The following TBX5 variants were observed in gnomAD, a reference collection of about 807,000 sequenced individuals.
TBX5 encodes T-box transcription factor TBX5.
Under a neutral mutation model 51.1 loss-of-function variants are expected in TBX5, and 8 were observed. The observed-to-expected ratio is 0.16, with a 90% confidence interval of 0.09 to 0.28. TBX5 has a LOEUF of 0.28. Among genes scored for constraint, TBX5 ranks in the 10% least tolerant of loss-of-function variants. The pLI is 1.00. For synonymous variants in TBX5, 302 were observed against 266.4 expected (o/e 1.13, Z -1.30); for missense variants, 589 against 671.7 (o/e 0.88, Z 1.36).
At chr12:114,385,227 T>C (rs1870743937) in intron 7 of TBX5, among the ~76,000 whole-genome samples, 1 of 152,064 alleles carries the variant, frequency 6.6e-6, no homozygotes, top group South Asian at 2.1e-4. Flanking sequence ...CCTGGGAGAA[T>C]GGAGAATGCC....
At chr12:114,365,555 G>A (rs1217967645) in intron 8 of TBX5, among the ~76,000 whole-genome samples, 6 of 152,158 alleles carry the variant, frequency 3.9e-5, no homozygotes. Context: ...AATTTTGGGT[G>A]TGGTGGCTCA....
In TBX5 at chr12:114,399,500, C is replaced by A; in HGVS notation, c.362+13G>T. ...TTCTCTCTCCCCGCTCCACCTGCCA[C>A]CCCAGTGCCTACCATTTATTATCTG... is the stretch of plus-strand genomic sequence containing the variant. On this transcript the variant is annotated intron_variant, in intron 4 of 8. Transcript: ENST00000405440. 1 of 1,614,006 alleles carries A rather than the reference C, an allele frequency of 6.2e-7. No homozygotes were observed. The highest frequency in any genetic ancestry group is 8.5e-7 in the Non-Finnish European group (1 of 1,179,974).
intron 6 of TBX5, among the ~76,000 whole-genome samples, chr12:114,391,523 T>TTATCTC (rs1871142705): frequency 1.3e-5 from 2 of 152,314 alleles, no homozygotes; most frequent in South Asian, 4.2e-4. Flanking sequence ...TTGCCGGGAA[T>TTATCTC]TATCTCATTG....
intron 7 of TBX5, among the ~76,000 whole-genome samples, chr12:114,371,245 A>G (rs1869884864): frequency 6.6e-6 from 1 of 152,096 alleles, no homozygotes. Context: ...CATCCCATGG[A>G]CAAGCTCTGA....
At chr12:114,365,780 T>G (rs1025360574) in intron 8 of TBX5, among the ~76,000 whole-genome samples, 1 of 142,006 alleles carries the variant, frequency 7.0e-6, no homozygotes, top group South Asian at 2.2e-4. Flanking sequence ...CAGTGAGCCA[T>G]GACTACACCA....
intron 6 of TBX5, among the ~76,000 whole-genome samples, chr12:114,386,238 T>C (rs529794529): frequency 2.6e-5 from 4 of 152,192 alleles, no homozygotes; most frequent in African/African-American, 9.7e-5. Flanking sequence ...TGTTGCAACA[T>C]ACAAGGCATA....
At chr12:114,358,238 C>A (rs895575724) in intron 8 of TBX5, among the ~76,000 whole-genome samples, 1 of 152,158 alleles carries the variant, frequency 6.6e-6, no homozygotes, top group Non-Finnish European at 1.5e-5. Flanking sequence ...AGGTATTGTG[C>A]CAGGTGCTGG....
At chr12:114,401,384 G>T (rs1156626039) in intron 3 of TBX5, among the ~76,000 whole-genome samples, 2 of 152,222 alleles carry the variant, frequency 1.3e-5, no homozygotes, top group African/African-American at 2.4e-5. Context: ...GTCAGGGAGG[G>T]TGGGAATGAG....
At chr12:114,361,317 T>C (rs1869226761) in intron 8 of TBX5, among the ~76,000 whole-genome samples, 1 of 152,208 alleles carries the variant, frequency 6.6e-6, no homozygotes, top group Non-Finnish European at 1.5e-5. Flanking sequence ...CAAAGCCCTT[T>C]TCCATATCGA....
chr12:114,375,513 A>G (rs974970491), intron 7 of TBX5, among the ~76,000 whole-genome samples: 1 of 152,244 alleles, frequency 6.6e-6, no homozygotes, highest in Non-Finnish European at 1.5e-5. Context: ...AGACATACAA[A>G]TAGATAAGAG....
At chr12:114,384,070 T>G (rs1327850080) in intron 7 of TBX5, among the ~76,000 whole-genome samples, 1 of 152,210 alleles carries the variant, frequency 6.6e-6, no homozygotes, top group African/African-American at 2.4e-5. Context: ...ACTGACCCTA[T>G]GGCCCAATCA....
intron 6 of TBX5, among the ~76,000 whole-genome samples, chr12:114,393,004 G>A (rs1021955410): frequency 6.6e-6 from 1 of 152,142 alleles, no homozygotes; most frequent in East Asian, 1.9e-4. Context: ...CAGGCTTTGT[G>A]GCCTGGAAAG....
At chr12:114,363,155 A>G (rs568903911) in intron 8 of TBX5, among the ~76,000 whole-genome samples, 1 of 152,300 alleles carries the variant, frequency 6.6e-6, no homozygotes, top group South Asian at 2.1e-4. Flanking sequence ...AGCAGGTGCT[A>G]TTGTTATCCT....
At chr12:114,379,775 T>A (rs1870407950) in intron 7 of TBX5, among the ~76,000 whole-genome samples, 1 of 152,240 alleles carries the variant, frequency 6.6e-6, no homozygotes. Context: ...GATTCATCCT[T>A]GTATGCCTAG....
intron 6 of TBX5, among the ~76,000 whole-genome samples, chr12:114,386,496 C>A (rs1163839975): frequency 6.6e-6 from 1 of 152,190 alleles, no homozygotes; most frequent in Non-Finnish European, 1.5e-5. Flanking sequence ...GGTTTTCTTT[C>A]ACTATTATTG....
At position 114,371,485 on chromosome 12, in the gene TBX5, C is replaced by A. The variant is rs186720126; in HGVS notation, c.756-5094G>T. ...CCAAACTGCATCCTCAGCCTCCCTC[C>A]AGCTAATGAACACCCGGGAGAACGT... On this transcript the variant is annotated intron_variant, in intron 7 of 8. Transcript: ENST00000405440. Among the ~76,000 whole-genome samples, 708 of 152,254 alleles carry A rather than the reference C, an allele frequency of 4.7e-3. 3 individuals carry two copies. The highest frequency in any genetic ancestry group is 0.016 in the African/African-American group (675 of 41,536).
chr12:114,404,542 C>G (rs1204606047), intron 1 of TBX5, among the ~76,000 whole-genome samples: 1 of 152,148 alleles, frequency 6.6e-6, no homozygotes, highest in African/African-American at 2.4e-5. Flanking sequence ...TCATATACAC[C>G]TTTTACCAGT....
At chr12:114,403,147 G>T (rs1472612635) in intron 2 of TBX5, among the ~76,000 whole-genome samples, 3 of 152,270 alleles carry the variant, frequency 2.0e-5, no homozygotes, top group Admixed American at 6.5e-5. Flanking sequence ...CGAACCCGAG[G>T]CTCCTGGTGC....
In TBX5 at chr12:114,355,397, T is replaced by A. The variant is rs771227659; in HGVS notation, c.*135A>T. On this transcript the variant is annotated 3_prime_UTR_variant, in exon 9 of 9. Coordinates refer to ENST00000405440, the MANE Select transcript of TBX5 (RefSeq NM_181486.4). The stretch of plus-strand genomic sequence containing the variant: ...TAGATCAGCATCCAGCGACCTTGAG[T>A]GCAGATGTGAACATTGGGTGAAATG... The A allele has an allele frequency of 4.6e-6, 5 of 1,095,080 alleles. No homozygotes were observed. The East Asian group carries it at 1.3e-4, about 28-fold the overall frequency. The allele number at this position is 1,095,080 out of a possible 1,614,324, so 67.8% of individuals were successfully genotyped here.
Sources: gnomAD v4.1 joint callset for allele counts (sites outside exome capture counted in the v4.1 genomes callset) on GRCh38, gnomAD v4.1.1 for gene constraint, MANE v1.5 for transcripts, NCBI Gene and HGNC (gene_info 2026-07-23, HGNC 2026-07-21) for gene names.